GNRHR: variants seen among roughly 807,000 people sequenced by gnomAD.
The protein encoded by GNRHR is gonadotropin-releasing hormone receptor.
A neutral mutation model predicts 28.1 loss-of-function variants in GNRHR; 14 were observed. That is an observed-to-expected ratio of 0.50 (90% CI 0.33 to 0.78). The LOEUF (loss-of-function observed/expected upper bound fraction) is 0.78, where lower values mean the gene tolerates loss of function less well. GNRHR is among the 30% of genes least tolerant of loss of function. GNRHR has a pLI of 0.02. For synonymous variants in GNRHR, 141 were observed against 140.5 expected (o/e 1.00, Z -0.02); for missense variants, 366 against 382.1 (o/e 0.96, Z 0.35).
chr4:67,741,888 C>T (rs989676271), intron 2 of GNRHR, among the ~76,000 whole-genome samples: 2 of 151,926 alleles, frequency 1.3e-5, no homozygotes, highest in Non-Finnish European at 2.9e-5. Flanking sequence ...GCCCACTTTT[C>T]GATGGGATTG....
At chr4:67,752,887 G>C (rs1375966591) in intron 1 of GNRHR, among the ~76,000 whole-genome samples, 1 of 152,078 alleles carries the variant, frequency 6.6e-6, no homozygotes. Context: ...AGTTTTGGAG[G>C]ATCCTAGTTA....
intron 1 of GNRHR, among the ~76,000 whole-genome samples, chr4:67,749,855 G>A (rs1371977190): frequency 1.3e-5 from 2 of 152,054 alleles, no homozygotes; most frequent in Non-Finnish European, 2.9e-5. Context: ...CAGAATGCAT[G>A]CTATAATTTT....
In GNRHR at chr4:67,753,218, ATCCAAGATGTCTTAC is replaced by A. The variant is rs527569503; in HGVS notation, c.522+581_522+595del. Among the ~76,000 whole-genome samples the A allele has an allele frequency of 6.0e-4, 92 of 152,330 alleles. 2 individuals are homozygous for A. The South Asian group carries it at 0.018, about 31-fold the overall frequency. ...TAGGGAAATATTTGGATTTCCAAAC[ATCCAAGATGTCTTAC>A]TTTTCTTCTATATTCAGTCCCACTT... is the stretch of plus-strand genomic sequence containing the variant. On this transcript the variant is annotated intron_variant, in intron 1 of 2. Transcript: ENST00000226413.
chr4:67,737,530 G>C lies in GNRHR; in HGVS notation c.*2950C>G, dbSNP rs1334682140. 6.6e-6 allele frequency among the ~76,000 whole-genome samples: 1 copy of C among 151,912 alleles called. No individual in the cohort carries two copies. The highest frequency in any genetic ancestry group is 2.4e-5 in the African/African-American group (1 of 41,414). ...CTGCCTAAAAACATTATCTCTTCAT[G>C]ACTACCACCTAAGTTCTAAGACAAA... On this transcript the variant is annotated 3_prime_UTR_variant, in exon 3 of 3. Coordinates refer to ENST00000226413, the MANE Select transcript of GNRHR (RefSeq NM_000406.3).
intron 2 of GNRHR, 123 bp from the exon 3 acceptor site, chr4:67,740,847 AAAT>A (rs1336244895): frequency 7.0e-6 from 5 of 719,326 alleles, no homozygotes; most frequent in South Asian, 1.6e-5. Context: ...CCATTATTTT[AAAT>A]AATAATAATT....
chr4:67,746,802 G>T (rs1577869464), intron 1 of GNRHR, among the ~76,000 whole-genome samples: 1 of 151,686 alleles, frequency 6.6e-6, no homozygotes, highest in Non-Finnish European at 1.5e-5. Flanking sequence ...AAGAAACCTT[G>T]GCCCTGTTAA....
chr4:67,751,574 C>A (rs1731866245), intron 1 of GNRHR: 1 of 152,078 alleles, frequency 6.6e-6, no homozygotes, highest in African/African-American at 2.4e-5. Context: ...TTCCTATTTT[C>A]TTTTTGCTAC....
rs1731918140 is a variant in GNRHR at position 67,753,926 on chromosome 4, A to G, written c.410T>C (p.Leu137Pro). The change falls in exon 1 of 3, where the codon CTG becomes CCG. Residue 137 changes from leucine (L) to proline (P), a missense_variant. Physicochemically the swap from Leu to Pro is moderately conservative, Grantham distance 98. Transcript: ENST00000226413. ...APAFMMVVISLDRSLAITRPL... is the reference protein window; with the variant it reads ...APAFMMVVISPDRSLAITRPL... Reference sequence around the variant, plus strand: ...CCTCGTGATAGCCAGGGAGCGGTCCAGGCTGATCACCACCATCATGAAGGC... The same window carrying G: ...CCTCGTGATAGCCAGGGAGCGGTCCGGGCTGATCACCACCATCATGAAGGC... 6.2e-7 allele frequency: 1 copy of G among 1,613,690 alleles called. No individual in the cohort carries two copies. The highest frequency in any genetic ancestry group is 8.5e-7 in the Non-Finnish European group (1 of 1,179,608).
chr4:67,738,738 C>T lies in GNRHR; in HGVS notation c.*1742G>A, dbSNP rs1731599101. On this transcript the variant is annotated 3_prime_UTR_variant, in exon 3 of 3. Transcript: ENST00000226413. ...GAATGGGTTTATGTGCCAACTTGAG[C>T]ATTTTAGCACACTACAGAATTTTAG... 6.6e-6 allele frequency among the ~76,000 whole-genome samples: 1 copy of T among 151,900 alleles called. No homozygotes were observed. Among genetic ancestry groups the T allele is most frequent in the South Asian group, 2.1e-4 (1 of 4,822 alleles).
chr4:67,742,070 TTTATCTTTGTTTTTGTTGCA>T (rs371979066), intron 2 of GNRHR, among the ~76,000 whole-genome samples: 2,949 of 152,294 alleles, frequency 0.019, 72 homozygotes, highest in East Asian at 0.11. Context: ...GTCCCATCTA[TTTATCTTTGTTTTTGTTGCA>T]TTTGGTTTTG....
chr4:67,750,232 C>A (rs2109986114), intron 1 of GNRHR, among the ~76,000 whole-genome samples: 1 of 152,198 alleles, frequency 6.6e-6, no homozygotes, highest in East Asian at 1.9e-4. Context: ...ATCCCATTGG[C>A]TTTTGAACTT....
At chr4:67,750,309 C>G (rs1731843237) in intron 1 of GNRHR, among the ~76,000 whole-genome samples, 1 of 152,072 alleles carries the variant, frequency 6.6e-6, no homozygotes, top group Non-Finnish European at 1.5e-5. Flanking sequence ...AAGTGGAGGA[C>G]TGGTCCTCCT....
intron 2 of GNRHR, among the ~76,000 whole-genome samples, chr4:67,744,144 T>A (rs1389385494): frequency 6.6e-6 from 1 of 152,194 alleles, no homozygotes; most frequent in African/African-American, 2.4e-5. Flanking sequence ...ATGTGCATAG[T>A]TTATGTCGTG....
At chr4:67,744,924 C>G in intron 1 of GNRHR, 137 bp from the exon 2 acceptor site, 2 of 597,244 alleles carry the variant, frequency 3.3e-6, no homozygotes, top group Non-Finnish European at 6.0e-6. Flanking sequence ...TCTGACGTTT[C>G]TATGAAAAGT....
rs1731761642 is a variant in GNRHR at position 67,746,756 on chromosome 4, C to T, written c.523-1969G>A. Reference sequence around the variant, plus strand: ...AAATACTTCATTTTTTTTTAAAAGGCATACTCCACTCCCACTCCCATCACC... The same window carrying T: ...AAATACTTCATTTTTTTTTAAAAGGTATACTCCACTCCCACTCCCATCACC... On this transcript the variant is annotated intron_variant, in intron 1 of 2. Transcript: ENST00000226413. Among the ~76,000 whole-genome samples the T allele has an allele frequency of 1.3e-5, 2 of 151,710 alleles. 1 individual carries two copies. The highest frequency in any genetic ancestry group is 4.1e-4 in the South Asian group (2 of 4,824).
intron 2 of GNRHR, among the ~76,000 whole-genome samples, chr4:67,742,706 C>T (rs909934381): frequency 6.6e-6 from 1 of 152,148 alleles, no homozygotes; most frequent in African/African-American, 2.4e-5. Flanking sequence ...ACTCTTCACA[C>T]ACTATATTTT....
chr4:67,738,078 TG>T lies in GNRHR; in HGVS notation c.*2401del, dbSNP rs1731582894. ...TCATATAGAATAATTATTTGTGTTA[TG>T]TTTTTTATTACATATTGAACCTTAA... On this transcript the variant is annotated 3_prime_UTR_variant, in exon 3 of 3. Coordinates refer to ENST00000226413, the MANE Select transcript of GNRHR (RefSeq NM_000406.3). Among the ~76,000 whole-genome samples, 1 of 151,776 alleles carries T rather than the reference TG, an allele frequency of 6.6e-6. No homozygotes were observed. The highest frequency in any genetic ancestry group is 6.6e-5 in the Admixed American group (1 of 15,210).
At chr4:67,748,826 A>G (rs1037159864) in intron 1 of GNRHR, among the ~76,000 whole-genome samples, 3 of 151,876 alleles carry the variant, frequency 2.0e-5, no homozygotes, top group African/African-American at 7.2e-5. Context: ...ATATACTGAT[A>G]TACTGAGATT....
chr4:67,744,479 G>T, intron 2 of GNRHR, 89 bp downstream of exon 2: 1 of 783,516 alleles, frequency 1.3e-6, no homozygotes. Context: ...GCTTAGAACA[G>T]TATCTGTCAC....
Sources: allele counts gnomAD v4.1 joint callset (sites outside exome capture counted in the v4.1 genomes callset), GRCh38; gene constraint gnomAD v4.1.1; transcripts MANE v1.5; gene names NCBI Gene and HGNC (gene_info 2026-07-23, HGNC 2026-07-21).